Variants in SPON1 observed in about 807,000 individuals in gnomAD.
SPON1 encodes the protein spondin 1.
A neutral mutation model predicts 111.7 loss-of-function variants in SPON1; 52 were observed. That is an observed-to-expected ratio of 0.47 (90% CI 0.37 to 0.59). The LOEUF (loss-of-function observed/expected upper bound fraction) is 0.59. Among genes scored for constraint, SPON1 ranks in the 20% least tolerant of loss-of-function variants. The pLI is 0.00. For synonymous variants in SPON1, 410 were observed against 395.8 expected (o/e 1.04, Z -0.43); for missense variants, 957 against 1,068.5 (o/e 0.90, Z 1.46).
In SPON1 at chr11:14,178,514, T is replaced by C. The variant is rs145353405; in HGVS notation, c.825+42946T>C. Among the ~76,000 whole-genome samples, 322 of 152,136 alleles carry C rather than the reference T, an allele frequency of 2.1e-3. 1 individual carries two copies. Among genetic ancestry groups the C allele is most frequent in the African/African-American group, 7.2e-3 (298 of 41,496 alleles). The stretch of plus-strand genomic sequence containing the variant: ...CCAATCCCTACCCTCACTCGCGAGA[T>C]GAGAAAACAAAAGAAATCAGCCTGC... On this transcript the variant is annotated intron_variant, in intron 6 of 15. Coordinates refer to ENST00000576479, the MANE Select transcript of SPON1 (RefSeq NM_006108.4).
At chr11:13,965,406 A>T (rs1848008568) in intron 1 of SPON1, among the ~76,000 whole-genome samples, 1 of 152,150 alleles carries the variant, frequency 6.6e-6, no homozygotes, top group Non-Finnish European at 1.5e-5. Flanking sequence ...TTAGTTGAGC[A>T]TTGGCAGCTG....
At chr11:14,195,146 T>A (rs922509207) in intron 6 of SPON1, among the ~76,000 whole-genome samples, 8 of 152,204 alleles carry the variant, frequency 5.3e-5, no homozygotes, top group Non-Finnish European at 1.0e-4. Context: ...TACTCTGCCC[T>A]CTTAAAAATC....
intron 1 of SPON1, among the ~76,000 whole-genome samples, chr11:13,965,288 A>C (rs1848007515): frequency 6.6e-6 from 1 of 152,214 alleles, no homozygotes; most frequent in Non-Finnish European, 1.5e-5. Context: ...AGCCTTGCCT[A>C]AGACTGTTGC....
At chr11:14,090,824 G>GCCACCCCCCCCCCCCCCCC (rs1849046497) in intron 5 of SPON1, among the ~76,000 whole-genome samples, 2 of 45,580 alleles carry the variant, frequency 4.4e-5, no homozygotes, top group East Asian at 2.4e-3. Flanking sequence ...CTCTTATCTG[G>GCCACCCCCCCCCCCCCCCC]CCCCCCCCCC....
chr11:14,017,109 T>C lies in SPON1; in HGVS notation c.346-24412T>C, dbSNP rs139875150. ...TGGCATATGCTGCATTTTCCTATGT[T>C]GGTGAGAAATTTAATTTTACTCTCC... On this transcript the variant is annotated intron_variant, in intron 2 of 15. Coordinates refer to ENST00000576479, the MANE Select transcript of SPON1 (RefSeq NM_006108.4). 7.0e-3 allele frequency among the ~76,000 whole-genome samples: 1,067 copies of C among 152,330 alleles called. 11 individuals are homozygous for C. The highest frequency in any genetic ancestry group is 0.024 in the African/African-American group (988 of 41,574).
At chr11:14,226,437 G>A (rs782071709) in intron 6 of SPON1, among the ~76,000 whole-genome samples, 7 of 152,220 alleles carry the variant, frequency 4.6e-5, no homozygotes, top group Non-Finnish European at 7.3e-5. Flanking sequence ...TACAGTATCG[G>A]TTGTTTACCC....
At chr11:14,247,676 A>G (rs1287591250) in intron 7 of SPON1, among the ~76,000 whole-genome samples, 3 of 152,134 alleles carry the variant, frequency 2.0e-5, no homozygotes, top group African/African-American at 4.8e-5. Context: ...GGGGGTGGAG[A>G]AAGAGCAGTC....
chr11:13,978,265 C>T (rs1416248803), intron 1 of SPON1, among the ~76,000 whole-genome samples: 2 of 152,164 alleles, frequency 1.3e-5, no homozygotes, highest in Middle Eastern at 3.4e-3. Context: ...ATTTTAGAAC[C>T]AGCTTGTCAA....
chr11:14,172,484 C>T (rs1848117076), intron 6 of SPON1, among the ~76,000 whole-genome samples: 1 of 151,692 alleles, frequency 6.6e-6, no homozygotes, highest in African/African-American at 2.4e-5. Context: ...AGCATTTAGC[C>T]CATTTACATT....
chr11:14,101,057 TC>T (rs1300004048), intron 5 of SPON1, among the ~76,000 whole-genome samples: 3 of 152,224 alleles, frequency 2.0e-5, no homozygotes, highest in Non-Finnish European at 4.4e-5. Context: ...TCTTTGATGT[TC>T]TTTATTTTCA....
chr11:14,004,853 C>G (rs1423878934), intron 2 of SPON1, among the ~76,000 whole-genome samples: 2 of 152,086 alleles, frequency 1.3e-5, no homozygotes, highest in Non-Finnish European at 2.9e-5. Context: ...GTCACCCAGG[C>G]TGGAGTGCAG....
chr11:14,209,777 A>G (rs1400620643), intron 6 of SPON1, among the ~76,000 whole-genome samples: 2 of 152,222 alleles, frequency 1.3e-5, no homozygotes, highest in African/African-American at 2.4e-5. Flanking sequence ...GTATATACCC[A>G]GTAATGGATT....
chr11:14,026,421 G>C (rs1848518449), intron 2 of SPON1, among the ~76,000 whole-genome samples: 1 of 152,224 alleles, frequency 6.6e-6, no homozygotes, highest in African/African-American at 2.4e-5. Context: ...TATTCAGTAA[G>C]ATATACATCT....
chr11:14,213,008 A>G (rs1325196498), intron 6 of SPON1, among the ~76,000 whole-genome samples: 2 of 152,208 alleles, frequency 1.3e-5, no homozygotes, highest in Non-Finnish European at 2.9e-5. Flanking sequence ...CACAGTCTCC[A>G]GAGCTTGGGA....
At chr11:14,165,049 G>A (rs1554931734) in intron 6 of SPON1, among the ~76,000 whole-genome samples, 1 of 152,172 alleles carries the variant, frequency 6.6e-6, no homozygotes, top group Non-Finnish European at 1.5e-5. Flanking sequence ...TTCTAATCTT[G>A]TGGCTAATGT....
At chr11:14,262,424 G>T in intron 14 of SPON1, 1 of 471,904 alleles carries the variant, frequency 2.1e-6, no homozygotes, top group Non-Finnish European at 3.9e-6. Context: ...TCACAGAGCA[G>T]GGCAAGAGGC....
chr11:14,100,308 C>A (rs1388112126), intron 5 of SPON1, among the ~76,000 whole-genome samples: 1 of 152,056 alleles, frequency 6.6e-6, no homozygotes, highest in East Asian at 1.9e-4. Context: ...TCCATCTACC[C>A]CATATTTATT....
chr11:14,039,395 T>A (rs192335929), intron 2 of SPON1, among the ~76,000 whole-genome samples: 4 of 152,260 alleles, frequency 2.6e-5, no homozygotes, highest in Admixed American at 2.0e-4. Flanking sequence ...CATTCTGATA[T>A]AGGATGTTGA....
At chr11:14,090,824 G>GCCACCCCCCCCCC (rs1849046497) in intron 5 of SPON1, among the ~76,000 whole-genome samples, 17 of 45,604 alleles carry the variant, frequency 3.7e-4, no homozygotes, top group East Asian at 2.4e-3. Context: ...CTCTTATCTG[G>GCCACCCCCCCCCC]CCCCCCCCCC....
Sources: gnomAD v4.1 joint callset for allele counts (sites outside exome capture counted in the v4.1 genomes callset) on GRCh38, gnomAD v4.1.1 for gene constraint, MANE v1.5 for transcripts, NCBI Gene and HGNC (gene_info 2026-07-23, HGNC 2026-07-21) for gene names.